Variants in ZNF280D observed in about 807,000 individuals in gnomAD.
ZNF280D encodes suppressor of hairy wing homolog 4.
In ZNF280D, 39 loss-of-function variants were observed where a neutral mutation model predicts 94.7. That is an observed-to-expected ratio of 0.41 (90% CI 0.32 to 0.54). The LOEUF (loss-of-function observed/expected upper bound fraction) is 0.54. Among genes scored for constraint, ZNF280D ranks in the 20% least tolerant of loss-of-function variants. The pLI is 0.22. For missense variants in ZNF280D, 1,090 were observed against 1,149.3 expected, an observed-to-expected ratio of 0.95 and a Z score of 0.75; for synonymous variants, 398 against 377.6, an observed-to-expected ratio of 1.05 and a Z score of -0.63.
At chr15:56,652,944 T>C (rs1248480792) in intron 19 of ZNF280D, 1 of 924,618 alleles carries the variant, frequency 1.1e-6, no homozygotes, top group African/African-American at 1.8e-5. Flanking sequence ...TTTTAAATAA[T>C]ATAATATAAA....
chr15:56,690,088 G>A lies in ZNF280D; in HGVS notation c.500-618C>T, dbSNP rs142116049. Among the ~76,000 whole-genome samples, 568 of 152,158 alleles carry A rather than the reference G, an allele frequency of 3.7e-3. 5 individuals are homozygous for A. Among genetic ancestry groups the A allele is most frequent in the African/African-American group, 0.013 (552 of 41,534 alleles). On this transcript the variant is annotated intron_variant, in intron 7 of 21. Coordinates refer to ENST00000267807, the MANE Select transcript of ZNF280D (RefSeq NM_017661.4). The stretch of plus-strand genomic sequence containing the variant: ...ATGATAACACTTCATTCATTTATAT[G>A]AAAGGACACATAGGCCAGGCACGGT...
intron 3 of ZNF280D, among the ~76,000 whole-genome samples, chr15:56,705,669 T>A (rs369950813): frequency 6.6e-6 from 1 of 152,292 alleles, no homozygotes; most frequent in Non-Finnish European, 1.5e-5. Flanking sequence ...TAATTCCTCT[T>A]GTAAACCATT....
intron 16 of ZNF280D, among the ~76,000 whole-genome samples, chr15:56,658,901 T>A (rs2053723729): frequency 6.6e-6 from 1 of 152,068 alleles, no homozygotes; most frequent in Non-Finnish European, 1.5e-5. Flanking sequence ...TTTAACATGT[T>A]TGTGTAGGGG....
At chr15:56,722,867 G>A (rs2058440049) in intron 1 of ZNF280D, among the ~76,000 whole-genome samples, 1 of 151,706 alleles carries the variant, frequency 6.6e-6, no homozygotes, top group South Asian at 2.1e-4. Context: ...AGAAAATGTG[G>A]CACATATACA....
At chr15:56,681,943 A>C (rs2055645861) in intron 10 of ZNF280D, among the ~76,000 whole-genome samples, 1 of 152,148 alleles carries the variant, frequency 6.6e-6, no homozygotes, top group Non-Finnish European at 1.5e-5. Flanking sequence ...GCAATTAGAA[A>C]ATAAAAAATG....
At chr15:56,669,798 C>T (rs569528552) in intron 13 of ZNF280D, among the ~76,000 whole-genome samples, 1 of 114,820 alleles carries the variant, frequency 8.7e-6, no homozygotes, top group Admixed American at 1.1e-4. Flanking sequence ...TTACCAGGGC[C>T]CTGATCCAGT....
intron 20 of ZNF280D, among the ~76,000 whole-genome samples, chr15:56,636,669 A>C (rs1409214569): frequency 1.3e-5 from 2 of 152,078 alleles, no homozygotes; most frequent in African/African-American, 4.8e-5. Flanking sequence ...TTTTTAGTAC[A>C]GACGGGGTTT....
chr15:56,727,348 A>C (rs1310404732), intron 1 of ZNF280D, among the ~76,000 whole-genome samples: 39 of 152,154 alleles, frequency 2.6e-4, no homozygotes, highest in Non-Finnish European at 4.7e-4. Context: ...AGTTCCAGCT[A>C]CTCGGGAGGC....
intron 10 of ZNF280D, among the ~76,000 whole-genome samples, chr15:56,680,283 A>G (rs2055530202): frequency 6.6e-6 from 1 of 152,172 alleles, no homozygotes; most frequent in African/African-American, 2.4e-5. Flanking sequence ...TTGAAGTAAA[A>G]TATTATATAA....
intron 9 of ZNF280D, among the ~76,000 whole-genome samples, chr15:56,685,268 C>CA (rs372585273): frequency 3.2e-4 from 49 of 151,864 alleles, no homozygotes; most frequent in Non-Finnish European, 2.1e-4. Flanking sequence ...TAAACCATGA[C>CA]AAAAACACTG....
intron 1 of ZNF280D, among the ~76,000 whole-genome samples, chr15:56,720,532 T>C (rs763678876): frequency 6.6e-6 from 1 of 152,202 alleles, no homozygotes; most frequent in Admixed American, 6.5e-5. Context: ...TGATCTTAAT[T>C]GGATCTAGAA....
Position 56,665,703 on chromosome 15 carries a change from C to CAAAAAAAAAAA in ZNF280D, c.1994+681_1994+691dup, listed in dbSNP as rs71113013. 1.2e-4 allele frequency among the ~76,000 whole-genome samples: 10 copies of CAAAAAAAAAAA among 86,426 alleles called. 2 individuals carry two copies. The highest frequency in any genetic ancestry group is 9.4e-3 in the Middle Eastern group (1 of 106). The allele number at this position is 86,426 out of a possible 152,430, so 56.7% of individuals were successfully genotyped here. ...TGGGCGACACAGCGAGACTCCGTCTCAAAAAAAAAAAAAAAAAAGGAGGAT... is the reference window on the plus strand; with the variant it reads ...TGGGCGACACAGCGAGACTCCGTCTCAAAAAAAAAAAAAAAAAAAAAAAAAAAAAGGAGGAT... On this transcript the variant is annotated intron_variant, in intron 16 of 21. Transcript: ENST00000267807.
Position 56,682,483 on chromosome 15 carries a change from AGAG to A in ZNF280D, c.781-9_781-7del. On this transcript the variant is annotated splice_region_variant and splice_polypyrimidine_tract_variant and intron_variant, in intron 9 of 21. Transcript: ENST00000267807. ...ATCATGTCTGGACAACAATACTGAA[AGAG>A]AAAAAAAAAAAAAAAAAACAAGCCT... 2.1e-5 allele frequency: 24 copies of A among 1,150,556 alleles called. No individual in the cohort carries two copies. The highest frequency in any genetic ancestry group is 1.0e-4 in the Admixed American group (3 of 29,082). 71.3% of individuals were successfully genotyped at this position (1,150,556 alleles called of 1,614,324 possible).
intron 11 of ZNF280D, among the ~76,000 whole-genome samples, chr15:56,678,065 T>C (rs569152562): frequency 2.0e-5 from 3 of 150,944 alleles, no homozygotes; most frequent in Non-Finnish European, 4.4e-5. Context: ...TGGAGTGCAA[T>C]GGCGCAATCT....
At chr15:56,727,335 T>C (rs754337577) in intron 1 of ZNF280D, among the ~76,000 whole-genome samples, 3 of 152,166 alleles carry the variant, frequency 2.0e-5, no homozygotes, top group Non-Finnish European at 2.9e-5. Flanking sequence ...GGCGCACGCC[T>C]GTAGTTCCAG....
intron 19 of ZNF280D, among the ~76,000 whole-genome samples, chr15:56,647,089 T>A (rs2052933306): frequency 6.6e-6 from 1 of 152,180 alleles, no homozygotes; most frequent in Middle Eastern, 3.2e-3. Context: ...GTGTTCATGC[T>A]AAGAACTTTA....
rs150345945 is a variant in ZNF280D at position 56,684,762 on chromosome 15, G to A, written c.781-2285C>T. Among the ~76,000 whole-genome samples the A allele has an allele frequency of 1.2e-3, 185 of 152,160 alleles. 5 individuals carry two copies. The highest frequency in any genetic ancestry group is 4.2e-3 in the African/African-American group (173 of 41,550). Reference sequence around the variant, plus strand: ...ATTAGAAAAAAAAAGACATATGTCAGGGAAAGAAGATAAAACAAATTCATA... The same window carrying A: ...ATTAGAAAAAAAAAGACATATGTCAAGGAAAGAAGATAAAACAAATTCATA... On this transcript the variant is annotated intron_variant, in intron 9 of 21. Transcript: ENST00000267807.
chr15:56,717,757 CTT>C (rs1389767645), intron 1 of ZNF280D, among the ~76,000 whole-genome samples: 1 of 151,966 alleles, frequency 6.6e-6, no homozygotes, highest in African/African-American at 2.4e-5. Flanking sequence ...AGTAACAAAA[CTT>C]AGTAGAGGAG....
At chr15:56,704,718 C>T (rs889046792) in intron 3 of ZNF280D, among the ~76,000 whole-genome samples, 2 of 152,130 alleles carry the variant, frequency 1.3e-5, no homozygotes, top group Admixed American at 1.3e-4. Flanking sequence ...CAGTGGCTCA[C>T]ACTTGTAATC....
Sources: allele counts gnomAD v4.1 joint callset (sites outside exome capture counted in the v4.1 genomes callset), GRCh38; gene constraint gnomAD v4.1.1; transcripts MANE v1.5; gene names NCBI Gene and HGNC (gene_info 2026-07-23, HGNC 2026-07-21).